Variants in LIPA observed in about 807,000 individuals in gnomAD.
LIPA encodes the protein lysosomal acid lipase/cholesteryl ester hydrolase.
Under a neutral mutation model 40.6 loss-of-function variants are expected in LIPA, and 26 were observed. The ratio of observed to expected loss-of-function variants is 0.64; its 90% CI spans 0.47 to 0.89. The LOEUF is 0.89. LIPA is among the 40% of genes least tolerant of loss of function. LIPA has a pLI of 0.00. For missense variants in LIPA, 455 were observed against 479.6 expected (o/e 0.95, Z 0.48); for synonymous variants, 188 against 168.4 (o/e 1.12, Z -0.90).
chr10:89,321,800 C>G (rs1359413373), intron 1 of LIPA, among the ~76,000 whole-genome samples: 4 of 152,140 alleles, frequency 2.6e-5, no homozygotes, highest in African/African-American at 4.8e-5. Context: ...TTCACAATAG[C>G]AAAGACTTGG....
chr10:89,225,763 G>A (rs191788365), intron 5 of LIPA, among the ~76,000 whole-genome samples: 69 of 152,288 alleles, frequency 4.5e-4, no homozygotes, highest in Non-Finnish European at 9.4e-4. Context: ...ATTCCCATGT[G>A]TTGTGGGAGG....
chr10:89,230,235 A>G (rs1205610549), intron 3 of LIPA, among the ~76,000 whole-genome samples: 1 of 152,180 alleles, frequency 6.6e-6, no homozygotes, highest in Non-Finnish European at 1.5e-5. Context: ...CACAGCAGAG[A>G]ACAAAAACAA....
chr10:89,399,049 T>A (rs1844384860), intron 2 of LIPA, among the ~76,000 whole-genome samples: 1 of 152,138 alleles, frequency 6.6e-6, no homozygotes, highest in African/African-American at 2.4e-5. Flanking sequence ...TGCTTTTTTT[T>A]TAAAATAATA....
At chr10:89,384,503 A>C (rs1260422983) in intron 2 of LIPA, 1 of 1,613,940 alleles carries the variant, frequency 6.2e-7, no homozygotes, top group Non-Finnish European at 8.5e-7. Flanking sequence ...TCTCAAGATA[A>C]AGCAATTACC....
chr10:89,327,327 G>A (rs563346385), intron 1 of LIPA, among the ~76,000 whole-genome samples: 15 of 152,214 alleles, frequency 9.9e-5, no homozygotes, highest in African/African-American at 3.6e-4. Flanking sequence ...AAGGTGGTTG[G>A]ATCACCTGCT....
chr10:89,247,488 G>C (rs772619352), intron 2 of LIPA, 50 bp downstream of exon 2: 1 of 1,083,960 alleles, frequency 9.2e-7, no homozygotes, highest in East Asian at 2.4e-5. Flanking sequence ...CACATAACTG[G>C]ATCGGGGAAA....
At chr10:89,404,353 C>T (rs1428820048) in intron 2 of LIPA, 1 of 152,338 alleles carries the variant, frequency 6.6e-6, no homozygotes, top group Non-Finnish European at 1.5e-5. Flanking sequence ...CAGACTGGTT[C>T]TGGCCAGTCC....
At chr10:89,307,532 C>T in intron 1 of LIPA, 1 of 632,202 alleles carries the variant, frequency 1.6e-6, no homozygotes, top group Non-Finnish European at 2.7e-6. Flanking sequence ...ACCTGAATTG[C>T]TGGGTCTTGA....
rs1033584249 is a variant in LIPA at position 89,307,288 on chromosome 10, A to T, written c.-2+35323T>A. The T allele has an allele frequency of 1.2e-6, 2 of 1,614,014 alleles. No homozygotes were observed. The highest frequency in any genetic ancestry group is 1.7e-6 in the Non-Finnish European group (2 of 1,179,932). Reference sequence around the variant, plus strand: ...TGGCATTCCTTCAGGAGCTGAATGAAAAAATGCAACAAGCAGATGAAGACT... The same window carrying T: ...TGGCATTCCTTCAGGAGCTGAATGATAAAATGCAACAAGCAGATGAAGACT... On this transcript the variant is annotated intron_variant, in intron 1 of 5. Transcript: ENST00000282673.
rs147742240 is a variant in LIPA, at chr10:89,272,530, T to G, written c.-1-24881A>C. Among the ~76,000 whole-genome samples, 77 of 152,368 alleles carry G rather than the reference T, an allele frequency of 5.1e-4. 1 individual carries two copies. In the East Asian group the frequency reaches 0.012, roughly 24 times the overall value. On this transcript the variant is annotated intron_variant, in intron 1 of 5. Transcript: ENST00000282673. ...ATTTAGGTTGATTCCATGTCTTTTC[T>G]ATTGTGAATAGTGCTGCAATGAACA...
upstream of LIPA, among the ~76,000 whole-genome samples, chr10:89,252,412 T>C (rs1374924501): frequency 6.6e-6 from 1 of 152,238 alleles, no homozygotes; most frequent in African/African-American, 2.4e-5. Context: ...TTCTCTTGTA[T>C]ATATTCTGAT....
In LIPA at chr10:89,244,143, A is replaced by G. The variant is rs563884233; in HGVS notation, c.229+1533T>C. Among the ~76,000 whole-genome samples the G allele has an allele frequency of 1.6e-3, 240 of 152,264 alleles. 1 individual carries two copies. The highest frequency in any genetic ancestry group is 1.3e-3 in the Non-Finnish European group (88 of 68,026). ...GGAAGCTTAATGGCATATATCTGTA[A>G]AGCATAAAAATCTCAAGAGTTAGAA... On this transcript the variant is annotated intron_variant, in intron 3 of 9. Coordinates refer to ENST00000336233, the MANE Select transcript of LIPA (RefSeq NM_000235.4).
chr10:89,298,619 G>A (rs1279776988), intron 1 of LIPA, among the ~76,000 whole-genome samples: 2 of 152,152 alleles, frequency 1.3e-5, no homozygotes, highest in Non-Finnish European at 2.9e-5. Context: ...GTAAAAGCAA[G>A]GAAATATGAT....
chr10:89,302,405 G>A (rs1402161317), intron 1 of LIPA, among the ~76,000 whole-genome samples: 1 of 152,198 alleles, frequency 6.6e-6, no homozygotes, highest in Non-Finnish European at 1.5e-5. Flanking sequence ...AGGCAGCAGA[G>A]AGGGATGATG....
At chr10:89,310,845 G>A (rs1040457523) in intron 1 of LIPA, among the ~76,000 whole-genome samples, 4 of 152,124 alleles carry the variant, frequency 2.6e-5, no homozygotes, top group South Asian at 2.1e-4. Flanking sequence ...ACAGGTAAAC[G>A]ATACAAATAG....
At chr10:89,393,731 A>G (rs1844292448) in intron 2 of LIPA, among the ~76,000 whole-genome samples, 1 of 152,226 alleles carries the variant, frequency 6.6e-6, no homozygotes, top group African/African-American at 2.4e-5. Flanking sequence ...CTCCGTCTCA[A>G]AAACAAACAA....
intron 2 of LIPA, among the ~76,000 whole-genome samples, chr10:89,401,709 TGGGTGAA>T (rs1003928590): frequency 6.6e-6 from 1 of 151,720 alleles, no homozygotes; most frequent in African/African-American, 2.4e-5. Context: ...TTGGAGAAAG[TGGGTGAA>T]GGATACACTG....
intron 2 of LIPA, among the ~76,000 whole-genome samples, chr10:89,407,321 G>T (rs539476125): frequency 1.3e-5 from 2 of 152,276 alleles, no homozygotes; most frequent in Non-Finnish European, 2.9e-5. Flanking sequence ...TCCGAGGCTA[G>T]TCCCGCTTCT....
At chr10:89,413,733 C>A (rs879656709) in intron 1 of LIPA, among the ~76,000 whole-genome samples, 4 of 147,506 alleles carry the variant, frequency 2.7e-5, no homozygotes, top group Non-Finnish European at 5.9e-5. Flanking sequence ...CACCACTGCA[C>A]TCCAACCTGA....
Sources: gnomAD v4.1 joint callset for allele counts (sites outside exome capture counted in the v4.1 genomes callset) on GRCh38, gnomAD v4.1.1 for gene constraint, MANE v1.5 for transcripts, NCBI Gene and HGNC (gene_info 2026-07-23, HGNC 2026-07-21) for gene names.